The following SEMA6D variants were observed in gnomAD, a reference collection of about 807,000 sequenced individuals.
The protein encoded by SEMA6D is semaphorin-6D.
A neutral mutation model predicts 106.6 loss-of-function variants in SEMA6D; 35 were observed. The observed-to-expected ratio is 0.33, with a 90% CI of 0.25 to 0.44. SEMA6D has a LOEUF of 0.44. Ranked by LOEUF, SEMA6D falls within the 20% of genes least tolerant of loss-of-function variation. SEMA6D has a pLI of 1.00. For synonymous variants in SEMA6D, 499 were observed against 487.7 expected, an observed-to-expected ratio of 1.02 and a Z score of -0.31; for missense variants, 1,185 against 1,345.9, an observed-to-expected ratio of 0.88 and a Z score of 1.87.
Position 47,354,619 on chromosome 15 carries a change from A to G in SEMA6D, c.-238-57774A>G, listed in dbSNP as rs556513008. ...TATATATACACATATGTACATATATACACACATATTTCTGAAAGTTTTCCA... is the reference window on the plus strand; with the variant it reads ...TATATATACACATATGTACATATATGCACACATATTTCTGAAAGTTTTCCA... On this transcript the variant is annotated intron_variant, in intron 1 of 19. Coordinates refer to the SEMA6D transcript ENST00000558014. Among the ~76,000 whole-genome samples, 6 of 151,900 alleles carry G rather than the reference A, an allele frequency of 3.9e-5. No individual in the cohort carries two copies. The South Asian group carries it at 1.2e-3, about 32-fold the overall frequency.
At chr15:47,562,681 A>C (rs1042804987) in intron 3 of SEMA6D, among the ~76,000 whole-genome samples, 2 of 152,122 alleles carry the variant, frequency 1.3e-5, no homozygotes, top group Admixed American at 6.5e-5. Flanking sequence ...AGTAAAAAAG[A>C]CAGATGATAC....
At chr15:47,733,689 T>C (rs974360459) in intron 1 of SEMA6D, among the ~76,000 whole-genome samples, 5 of 152,190 alleles carry the variant, frequency 3.3e-5, no homozygotes, top group African/African-American at 1.2e-4. Context: ...GTTAGGATAA[T>C]ATTTCTACCA....
At chr15:47,483,821 A>T (rs2043220052) in intron 3 of SEMA6D, among the ~76,000 whole-genome samples, 1 of 152,088 alleles carries the variant, frequency 6.6e-6, no homozygotes, top group African/African-American at 2.4e-5. Context: ...ATGGCCAAGG[A>T]ATATTGGCTA....
chr15:47,356,561 G>A (rs1302250247), intron 1 of SEMA6D, among the ~76,000 whole-genome samples: 12 of 117,852 alleles, frequency 1.0e-4, no homozygotes, highest in Non-Finnish European at 2.1e-4. Flanking sequence ...AAATAGAGAA[G>A]AGAGAGCGAA....
At chr15:47,683,165 G>A (rs1343915330) in intron 4 of SEMA6D, among the ~76,000 whole-genome samples, 1 of 152,166 alleles carries the variant, frequency 6.6e-6, no homozygotes, top group African/African-American at 2.4e-5. Context: ...CACTTGAAGA[G>A]CGAACATTAT....
intron 1 of SEMA6D, among the ~76,000 whole-genome samples, chr15:47,232,322 T>C (rs899887146): frequency 6.6e-6 from 1 of 151,986 alleles, no homozygotes; most frequent in African/African-American, 2.4e-5. Flanking sequence ...TTGTGGTGAA[T>C]TTTTTTGTGT....
chr15:47,667,525 C>T (rs1051490630), intron 4 of SEMA6D, among the ~76,000 whole-genome samples: 1 of 152,180 alleles, frequency 6.6e-6, no homozygotes, highest in Non-Finnish European at 1.5e-5. Context: ...GTGTTTTAGT[C>T]TGATCGGGCT....
At chr15:47,625,016 C>T (rs1180748383) in intron 4 of SEMA6D, among the ~76,000 whole-genome samples, 1 of 152,192 alleles carries the variant, frequency 6.6e-6, no homozygotes, top group African/African-American at 2.4e-5. Flanking sequence ...TGAACATCCT[C>T]TCCTTCAATT....
At chr15:47,601,915 C>A (rs188318659) in intron 4 of SEMA6D, among the ~76,000 whole-genome samples, 164 of 152,288 alleles carry the variant, frequency 1.1e-3, no homozygotes, top group South Asian at 3.7e-3. Flanking sequence ...AGTTAAACTT[C>A]ATTATGTATT....
At chr15:47,380,943 T>G (rs1226466002) in intron 1 of SEMA6D, among the ~76,000 whole-genome samples, 1 of 152,168 alleles carries the variant, frequency 6.6e-6, no homozygotes, top group Non-Finnish European at 1.5e-5. Context: ...CACCCATGAC[T>G]CCAGTCTCTA....
intron 4 of SEMA6D, among the ~76,000 whole-genome samples, chr15:47,705,386 A>G (rs2078894704): frequency 6.6e-6 from 1 of 152,224 alleles, no homozygotes; most frequent in South Asian, 2.1e-4. Context: ...TTTACCCCTA[A>G]CAATAAACTT....
chr15:47,371,309 C>T (rs1303968175), intron 1 of SEMA6D, among the ~76,000 whole-genome samples: 3 of 152,210 alleles, frequency 2.0e-5, no homozygotes, highest in African/African-American at 7.2e-5. Context: ...CTCCTATCTT[C>T]ATGGCTTACA....
chr15:47,251,155 TTTA>T (rs765786461), intron 1 of SEMA6D, among the ~76,000 whole-genome samples: 6 of 152,116 alleles, frequency 3.9e-5, no homozygotes, highest in Non-Finnish European at 5.9e-5. Context: ...AAGCCTTTCC[TTTA>T]TGAAAAACAG....
rs144994656 is a variant in SEMA6D, at chr15:47,303,190, G to A, written c.-238-109203G>A. Among the ~76,000 whole-genome samples the A allele has an allele frequency of 3.6e-4, 55 of 152,242 alleles. 1 individual carries two copies. The highest frequency in any genetic ancestry group is 1.1e-3 in the African/African-American group (46 of 41,554). ...TACGTAGAAACAGACCTTCATCACC[G>A]CCTTGTTCCCCAAAAGTCTAAGACA... On this transcript the variant is annotated intron_variant, in intron 1 of 19. Transcript: ENST00000558014.
intron 1 of SEMA6D, among the ~76,000 whole-genome samples, chr15:47,191,774 G>GA (rs1293867899): frequency 1.3e-5 from 2 of 152,186 alleles, no homozygotes; most frequent in Admixed American, 1.3e-4. Flanking sequence ...AGATGGTATA[G>GA]AAAAGCTTAA....
intron 4 of SEMA6D, among the ~76,000 whole-genome samples, chr15:47,682,297 A>G (rs543638318): frequency 6.6e-6 from 1 of 151,954 alleles, no homozygotes; most frequent in Non-Finnish European, 1.5e-5. Context: ...CCTCCCGAGT[A>G]GCTGGGACTA....
intron 1 of SEMA6D, among the ~76,000 whole-genome samples, chr15:47,325,791 A>G (rs2037108622): frequency 6.6e-6 from 1 of 152,198 alleles, no homozygotes; most frequent in African/African-American, 2.4e-5. Context: ...ACCAATTTAC[A>G]TATTGATATT....
chr15:47,626,805 C>T (rs1372568034), intron 4 of SEMA6D, among the ~76,000 whole-genome samples: 1 of 151,968 alleles, frequency 6.6e-6, no homozygotes, highest in Non-Finnish European at 1.5e-5. Flanking sequence ...CTTGAATTAT[C>T]TACCAAAAAA....
At chr15:47,330,895 AT>A (rs2037317314) in intron 1 of SEMA6D, among the ~76,000 whole-genome samples, 1 of 152,172 alleles carries the variant, frequency 6.6e-6, no homozygotes, top group African/African-American at 2.4e-5. Flanking sequence ...TACAGAGGTA[AT>A]GTTCATCAAG....
Sources: gnomAD v4.1 joint callset for allele counts (sites outside exome capture counted in the v4.1 genomes callset) on GRCh38, gnomAD v4.1.1 for gene constraint, MANE v1.5 for transcripts, NCBI Gene and HGNC (gene_info 2026-07-23, HGNC 2026-07-21) for gene names.